FOXP1: variants seen among roughly 807,000 people sequenced by gnomAD.
The protein encoded by FOXP1 is forkhead box protein P1.
Under a neutral mutation model 98.2 loss-of-function variants are expected in FOXP1, and 15 were observed. That is an observed-to-expected ratio of 0.15 (90% confidence interval 0.10 to 0.24). The LOEUF is 0.24. Ranked by LOEUF, FOXP1 falls within the 10% of genes least tolerant of loss-of-function variation. The pLI, the probability that FOXP1 is intolerant of heterozygous loss-of-function variation, is 1.00. For synonymous variants in FOXP1, 371 were observed against 314.5 expected, an observed-to-expected ratio of 1.18 and a Z score of -1.90; for missense variants, 633 against 848.5, an observed-to-expected ratio of 0.75 and a Z score of 3.15.
intron 2 of FOXP1, among the ~76,000 whole-genome samples, chr3:71,534,046 A>T (rs1160502041): frequency 6.6e-6 from 1 of 152,172 alleles, no homozygotes; most frequent in Non-Finnish European, 1.5e-5. Flanking sequence ...GTGCATACTC[A>T]AGTCCTGCAG....
intron 5 of FOXP1, among the ~76,000 whole-genome samples, chr3:71,239,169 T>A (rs1025764091): frequency 5.9e-5 from 9 of 152,182 alleles, no homozygotes; most frequent in African/African-American, 2.2e-4. Flanking sequence ...CCAGTCTACA[T>A]GCTGGGATAA....
chr3:71,227,732 T>TA lies in FOXP1; in HGVS notation c.-11-29341dup, dbSNP rs59752685. Among the ~76,000 whole-genome samples the TA allele has an allele frequency of 7.5e-3, 1,043 of 139,326 alleles. 7 individuals are homozygous for TA. Among genetic ancestry groups the TA allele is most frequent in the South Asian group, 0.028 (122 of 4,324 alleles). 91.4% of individuals were successfully genotyped at this position (139,326 alleles called of 152,430 possible). A position where few individuals can be genotyped will look rare whatever the true frequency, so the allele number is the denominator to read the frequency against. Reference sequence around the variant, plus strand: ...TGGTTACCATCATGCTCAATGTTTTTAAAAAAAAAAAAAAACAGTCAAAGG... The same window carrying TA: ...TGGTTACCATCATGCTCAATGTTTTTAAAAAAAAAAAAAAAACAGTCAAAGG... On this transcript the variant is annotated intron_variant, in intron 5 of 20. Coordinates refer to ENST00000649528, the MANE Select transcript of FOXP1 (RefSeq NM_001349338.3).
intron 7 of FOXP1, among the ~76,000 whole-genome samples, chr3:71,065,307 G>C (rs1319019891): frequency 1.3e-5 from 2 of 152,152 alleles, no homozygotes; most frequent in Middle Eastern, 3.2e-3. Flanking sequence ...CTTTGAGACT[G>C]ACAAAGAGTT....
chr3:71,062,470 T>C (rs2051660165), intron 7 of FOXP1, among the ~76,000 whole-genome samples: 1 of 152,208 alleles, frequency 6.6e-6, no homozygotes, highest in South Asian at 2.1e-4. Context: ...CATGAGATCA[T>C]TCCCTTCCAG....
intron 6 of FOXP1, among the ~76,000 whole-genome samples, chr3:71,166,865 C>T (rs1219805902): frequency 2.7e-5 from 4 of 148,338 alleles, no homozygotes; most frequent in Non-Finnish European, 4.4e-5. Flanking sequence ...ATGTTCTTGA[C>T]GATCCTTCTG....
intron 12 of FOXP1, among the ~76,000 whole-genome samples, chr3:71,013,166 G>A (rs1429863847): frequency 6.6e-6 from 1 of 152,094 alleles, no homozygotes; most frequent in Non-Finnish European, 1.5e-5. Flanking sequence ...GGCCAACCCA[G>A]GTCTTAGTCA....
intron 6 of FOXP1, among the ~76,000 whole-genome samples, chr3:71,151,120 A>G (rs1393506511): frequency 6.6e-6 from 1 of 152,204 alleles, no homozygotes; most frequent in Non-Finnish European, 1.5e-5. Flanking sequence ...TGTAACAAAG[A>G]GCCAGTTATT....
intron 10 of FOXP1, among the ~76,000 whole-genome samples, chr3:71,044,656 T>A (rs1248116705): frequency 6.6e-6 from 1 of 152,202 alleles, no homozygotes; most frequent in Non-Finnish European, 1.5e-5. Flanking sequence ...GAAGTGGGCA[T>A]TACCAGTATT....
intron 7 of FOXP1, among the ~76,000 whole-genome samples, chr3:71,056,537 G>A (rs1454909152): frequency 6.6e-6 from 1 of 152,210 alleles, no homozygotes; most frequent in Non-Finnish European, 1.5e-5. Context: ...AGGGAAGGAA[G>A]CAAGAGGCCT....
chr3:71,271,872 G>C (rs2070391196), intron 5 of FOXP1, among the ~76,000 whole-genome samples: 1 of 152,214 alleles, frequency 6.6e-6, no homozygotes, highest in Admixed American at 6.5e-5. Context: ...ACATGTTACA[G>C]GGTGTCTGAA....
chr3:71,579,265 C>T (rs1221976678), intron 2 of FOXP1, among the ~76,000 whole-genome samples: 1 of 152,072 alleles, frequency 6.6e-6, no homozygotes, highest in African/African-American at 2.4e-5. Context: ...TTATACTCCA[C>T]GATTTAAATA....
intron 2 of FOXP1, among the ~76,000 whole-genome samples, chr3:71,550,262 A>G: frequency 6.6e-6 from 1 of 152,156 alleles, no homozygotes; most frequent in East Asian, 1.9e-4. Flanking sequence ...ATCACATAGC[A>G]AAGCTGGTTG....
At chr3:71,131,020 G>T in intron 6 of FOXP1, 1 of 712,394 alleles carries the variant, frequency 1.4e-6, no homozygotes, top group Non-Finnish European at 1.7e-6. Context: ...TATTTTTGTG[G>T]TGACATTTAC....
intron 7 of FOXP1, among the ~76,000 whole-genome samples, chr3:71,103,435 C>T (rs17008210): frequency 0.023 from 3,485 of 152,298 alleles, 61 homozygotes; most frequent in Admixed American, 0.052. Flanking sequence ...CCAAACTTTT[C>T]GAGCTCATCC....
At chr3:71,104,632 T>C (rs116567740) in intron 7 of FOXP1, among the ~76,000 whole-genome samples, 2,170 of 152,180 alleles carry the variant, frequency 0.014, 58 homozygotes, top group African/African-American at 0.05. Flanking sequence ...GTTCTGCATA[T>C]GGAAACAATA....
intron 6 of FOXP1, among the ~76,000 whole-genome samples, chr3:71,123,678 C>T (rs929940102): frequency 6.6e-6 from 1 of 152,178 alleles, no homozygotes; most frequent in Admixed American, 6.5e-5. Flanking sequence ...CTGACCCACT[C>T]GGCATGGCTT....
chr3:71,396,962 A>ATACACATATATATATG (rs1560424349), intron 3 of FOXP1, among the ~76,000 whole-genome samples: 828 of 24,754 alleles, frequency 0.033, 136 homozygotes, highest in Non-Finnish European at 0.074. Flanking sequence ...ATATATATAT[A>ATACACATATATATATG]TGTGTGTATA....
intron 7 of FOXP1, among the ~76,000 whole-genome samples, chr3:71,059,705 C>A (rs1218531071): frequency 6.6e-6 from 1 of 152,088 alleles, no homozygotes; most frequent in Non-Finnish European, 1.5e-5. Context: ...ATGCTAATGG[C>A]ATTTTATATT....
intron 2 of FOXP1, among the ~76,000 whole-genome samples, chr3:71,504,487 T>C (rs1284716231): frequency 6.6e-6 from 1 of 152,206 alleles, no homozygotes; most frequent in Non-Finnish European, 1.5e-5. Flanking sequence ...AAATGACTAA[T>C]GAAATGACTG....
Sources: gnomAD v4.1 joint callset for allele counts (sites outside exome capture counted in the v4.1 genomes callset) on GRCh38, gnomAD v4.1.1 for gene constraint, MANE v1.5 for transcripts, NCBI Gene and HGNC (gene_info 2026-07-23, HGNC 2026-07-21) for gene names.